The following D2HGDH variants were observed in gnomAD, a reference collection of about 807,000 sequenced individuals.
D2HGDH encodes the protein D-2-hydroxyglutarate dehydrogenase.
Under a neutral mutation model 46.9 loss-of-function variants are expected in D2HGDH, and 31 were observed. That is an observed-to-expected ratio of 0.66 (90% CI 0.50 to 0.89). D2HGDH has a LOEUF of 0.89. Among genes scored for constraint, D2HGDH ranks in the 40% least tolerant of loss-of-function variants. The pLI is 0.00. For missense variants in D2HGDH, 698 were observed against 720.8 expected, an observed-to-expected ratio of 0.97 and a Z score of 0.36; for synonymous variants, 364 against 332.6, an observed-to-expected ratio of 1.09 and a Z score of -1.03.
At chr2:241,759,191 G>A (rs967018681) in intron 9 of D2HGDH, among the ~76,000 whole-genome samples, 1 of 152,128 alleles carries the variant, frequency 6.6e-6, no homozygotes. Context: ...TGGAATCAGT[G>A]TTTGTACAGA....
intron 2 of D2HGDH, among the ~76,000 whole-genome samples, chr2:241,738,199 C>G (rs1158836030): frequency 6.6e-6 from 1 of 152,252 alleles, no homozygotes; most frequent in Non-Finnish European, 1.5e-5. Context: ...GGGGCGATCT[C>G]AAGCTGCTGC....
rs1180659322 is a variant in D2HGDH, at chr2:241,742,490, G to A, written c.406G>A (p.Val136Met). Reference protein sequence around the residue: ...VNPQGGNTGMVGGSVPVFDEI... With the variant: ...VNPQGGNTGMMGGSVPVFDEI... The stretch of plus-strand genomic sequence containing the variant: ...CCCACAGGGGGGCAACACAGGCATG[G>A]TGGGTGGCAGCGTCCCCGTCTTTGA... The change falls in exon 4 of 10, where the codon GTG (valine) becomes ATG (methionine). Residue 136 changes from valine (V) to methionine (M), a missense_variant. Physicochemically the swap from Val to Met is conservative, Grantham distance 21. Transcript: ENST00000321264. The surrounding 1 kb of genome is among the most constrained non-coding windows in gnomAD (Gnocchi z 4.8). 6.2e-7 allele frequency: 1 copy of A among 1,614,076 alleles called. No homozygotes were observed. Among genetic ancestry groups the A allele is most frequent in the South Asian group, 1.1e-5 (1 of 91,072 alleles).
chr2:241,743,546 A>G lies in D2HGDH; in HGVS notation c.491-76A>G. On this transcript the variant is annotated intron_variant, in intron 4 of 9. Transcript: ENST00000321264. The surrounding 1 kb of genome is among the most constrained non-coding windows in gnomAD (Gnocchi z 4.8). ...TCCTTCTGGGTGGCTTGCCTGTGCA[A>G]GATGGGGGTTGGGACTCACCAGCCC... The G allele has an allele frequency of 6.5e-7, 1 of 1,532,646 alleles. No individual in the cohort carries two copies. The highest frequency in any genetic ancestry group is 8.8e-7 in the Non-Finnish European group (1 of 1,131,786). The allele number at this position is 1,532,646 out of a possible 1,614,324, so 94.9% of individuals were successfully genotyped here.
chr2:241,745,631 C>T (rs564636515), intron 6 of D2HGDH, among the ~76,000 whole-genome samples: 2 of 152,202 alleles, frequency 1.3e-5, no homozygotes, highest in Non-Finnish European at 2.9e-5. Flanking sequence ...TTTAAGCAAT[C>T]TCACCAGGAT....
At chr2:241,755,024 G>A in intron 8 of D2HGDH, 1 of 1,291,862 alleles carries the variant, frequency 7.7e-7, no homozygotes, top group Non-Finnish European at 1.0e-6. Context: ...GGATGGCTCT[G>A]TCCTGTTCCT....
In D2HGDH at chr2:241,741,761, A is replaced by T. The variant is rs182453233; in HGVS notation, c.350+671A>T. ...GCTTGCTGTCTCCAGGGTTTATTTC[A>T]TGTGTGGGACTTGCTGTCTCCAGGG... On this transcript the variant is annotated intron_variant, in intron 3 of 9. Coordinates refer to ENST00000321264, the MANE Select transcript of D2HGDH (RefSeq NM_152783.5). 6.4e-5 allele frequency among the ~76,000 whole-genome samples: 9 copies of T among 141,276 alleles called. No individual in the cohort carries two copies. In the East Asian group the frequency reaches 1.7e-3, roughly 27 times the overall value. 92.7% of individuals were successfully genotyped at this position (141,276 alleles called of 152,430 possible). A position where few individuals can be genotyped will look rare whatever the true frequency, so the allele number is the denominator to read the frequency against.
At chr2:241,751,473 C>T (rs925624427) in intron 8 of D2HGDH, 85 bp downstream of exon 8, 1 of 1,566,116 alleles carries the variant, frequency 6.4e-7, no homozygotes, top group Non-Finnish European at 8.7e-7. Context: ...GTCATTGGTG[C>T]AGCCTAGACA....
At chr2:241,745,337 G>A (rs1383986847) in intron 6 of D2HGDH, among the ~76,000 whole-genome samples, 1 of 152,184 alleles carries the variant, frequency 6.6e-6, no homozygotes, top group Admixed American at 6.5e-5. Context: ...GTCTCCACAG[G>A]CCTGCTTCAC....
intron 9 of D2HGDH, among the ~76,000 whole-genome samples, chr2:241,757,986 A>T (rs528672679): frequency 6.6e-6 from 1 of 151,740 alleles, no homozygotes; most frequent in African/African-American, 2.4e-5. Flanking sequence ...GCAAGAATGA[A>T]TGTTGAATTT....
intron 8 of D2HGDH, among the ~76,000 whole-genome samples, chr2:241,751,886 GCAGGGGGAGCCC>G (rs1268652403): frequency 1.4e-5 from 2 of 143,078 alleles, no homozygotes; most frequent in African/African-American, 5.5e-5. Flanking sequence ...CAAGGCCTGG[GCAGGGGGAGCCC>G]TCGGTCACCG....
chr2:241,760,764 G>A (rs1381867517), intron 9 of D2HGDH, among the ~76,000 whole-genome samples: 1 of 152,264 alleles, frequency 6.6e-6, no homozygotes, highest in East Asian at 1.9e-4. Flanking sequence ...AGAGGATTCT[G>A]ACCCAGATGG....
chr2:241,744,554 T>G (rs1695369459), intron 5 of D2HGDH, among the ~76,000 whole-genome samples, 155 bp from the exon 6 acceptor site: 1 of 152,198 alleles, frequency 6.6e-6, no homozygotes, highest in Non-Finnish European at 1.5e-5. Flanking sequence ...TGAGCTGCTG[T>G]GTGTGGAGGG....
At chr2:241,750,647 G>A (rs765308335) in intron 7 of D2HGDH, among the ~76,000 whole-genome samples, 2 of 152,088 alleles carry the variant, frequency 1.3e-5, no homozygotes, top group Admixed American at 6.5e-5. Flanking sequence ...CTGTAAGCAC[G>A]TTTTTCTTTT....
At chr2:241,739,990 T>C (rs909076454) in intron 2 of D2HGDH, among the ~76,000 whole-genome samples, 20 of 152,034 alleles carry the variant, frequency 1.3e-4, no homozygotes, top group East Asian at 9.7e-4. Context: ...ACTAAAAATA[T>C]CAAAATTAGC....
intron 5 of D2HGDH, 58 bp from the exon 6 acceptor site, chr2:241,744,651 G>A (rs921251758): frequency 5.6e-6 from 9 of 1,611,172 alleles, no homozygotes; most frequent in South Asian, 3.3e-5. Context: ...CCCCGGAGGC[G>A]ACCGACGTCT....
chr2:241,750,025 G>A (rs775407548), intron 6 of D2HGDH, 126 bp from the exon 7 acceptor site: 12 of 1,423,428 alleles, frequency 8.4e-6, no homozygotes, highest in South Asian at 7.2e-5. Flanking sequence ...GCCAGTCCTC[G>A]TGCTCCTCGT....
intron 9 of D2HGDH, among the ~76,000 whole-genome samples, chr2:241,765,280 G>C (rs1699184003): frequency 6.6e-6 from 1 of 151,546 alleles, no homozygotes; most frequent in Non-Finnish European, 1.5e-5. Flanking sequence ...GCCCCGGGCT[G>C]AGGGAGTAGG....
Sources: allele counts gnomAD v4.1 joint callset (sites outside exome capture counted in the v4.1 genomes callset), GRCh38; gene constraint gnomAD v4.1.1; non-coding constraint Gnocchi (gnomAD v3.1); transcripts MANE v1.5; gene names NCBI Gene and HGNC (gene_info 2026-07-23, HGNC 2026-07-21).